SLMAP: variants seen among roughly 807,000 people sequenced by gnomAD.
The protein encoded by SLMAP is sarcolemma associated protein, also known as sarcolemmal membrane-associated protein.
SLMAP carries 44 observed loss-of-function variants against 128.8 expected under a neutral mutation model. The ratio of observed to expected loss-of-function variants is 0.34; its 90% CI spans 0.27 to 0.44. The LOEUF (loss-of-function observed/expected upper bound fraction) is 0.44. SLMAP is among the 20% of genes least tolerant of loss of function. The probability of loss-of-function intolerance (pLI) is 1.00; values close to 1 mark genes in which losing one functional copy is unlikely to be tolerated. For synonymous variants in SLMAP, 327 were observed against 348.8 expected (o/e 0.94, Z 0.70); for missense variants, 787 against 985.3 (o/e 0.80, Z 2.69).
chr3:57,790,075 G>A (rs976978317), intron 2 of SLMAP, among the ~76,000 whole-genome samples: 4 of 152,158 alleles, frequency 2.6e-5, no homozygotes, highest in Non-Finnish European at 4.4e-5. Flanking sequence ...GACCTTAGGT[G>A]ATCCACCTGC....
At chr3:57,917,199 T>C (rs986440579) in intron 22 of SLMAP, 122 bp downstream of exon 22, 71 of 1,544,434 alleles carry the variant, frequency 4.6e-5, no homozygotes, top group Non-Finnish European at 6.0e-5. Context: ...ACAAAATTGA[T>C]ACTTGGAACA....
chr3:57,909,503 G>GAA (rs558353210), intron 19 of SLMAP, among the ~76,000 whole-genome samples: 19,144 of 125,882 alleles, frequency 0.15, 1,377 homozygotes, highest in African/African-American at 0.18. Flanking sequence ...CTCCATCTCA[G>GAA]AAAAAAAAAA....
At chr3:57,780,995 T>G (rs928144013) in intron 2 of SLMAP, among the ~76,000 whole-genome samples, 2 of 148,302 alleles carry the variant, frequency 1.3e-5, no homozygotes, top group Middle Eastern at 3.5e-3. Context: ...TATATACCTA[T>G]GTATGCACAT....
At position 57,912,624 on chromosome 3, in the gene SLMAP, C is replaced by A. The variant is rs1220708244; in HGVS notation, c.1943C>A (p.Thr648Lys). Residue 648 changes from threonine to lysine, a missense_variant, in exon 20 of 25, where the codon ACA (threonine) becomes AAA (lysine). Coordinates refer to ENST00000671191, the MANE Select transcript of SLMAP (RefSeq NM_001377540.1). ...GCGTCTGAATATGAGAAAGAAATCA[C>A]AAGTCTGCAAAACAGTTTTCAGCTT... ...KAASEYEKEI[T>K]SLQNSFQLRC... 2.5e-6 allele frequency: 4 copies of A among 1,614,066 alleles called. No homozygotes were observed. The East Asian group carries it at 8.9e-5, about 36-fold the overall frequency.
intron 3 of SLMAP, among the ~76,000 whole-genome samples, chr3:57,833,863 T>A (rs1027482428): frequency 6.6e-6 from 1 of 152,144 alleles, no homozygotes; most frequent in Non-Finnish European, 1.5e-5. Flanking sequence ...AGTTGACTTA[T>A]GTTAAGCACG....
At chr3:57,831,208 G>T (rs1446479290) in intron 2 of SLMAP, among the ~76,000 whole-genome samples, 175 bp from the exon 3 acceptor site, 1 of 152,126 alleles carries the variant, frequency 6.6e-6, no homozygotes, top group Non-Finnish European at 1.5e-5. Context: ...CTAGTTTTCA[G>T]ATTCTAATTT....
At chr3:57,838,270 G>A (rs1414547698) in intron 3 of SLMAP, among the ~76,000 whole-genome samples, 13 of 152,144 alleles carry the variant, frequency 8.5e-5, no homozygotes, top group African/African-American at 2.4e-5. Context: ...GTCTTGAGGA[G>A]CCATCCTCTA....
intron 14 of SLMAP, among the ~76,000 whole-genome samples, chr3:57,875,689 T>C (rs887722370): frequency 1.3e-5 from 2 of 152,204 alleles, no homozygotes; most frequent in African/African-American, 2.4e-5. Context: ...AGTAAGAATT[T>C]GGTTATTGGT....
At chr3:57,879,491 A>G (rs1010560853) in intron 14 of SLMAP, among the ~76,000 whole-genome samples, 1 of 152,208 alleles carries the variant, frequency 6.6e-6, no homozygotes, top group Non-Finnish European at 1.5e-5. Context: ...CAGTAATTAA[A>G]TGGACAAATA....
At chr3:57,895,423 C>T (rs2096215706) in intron 15 of SLMAP, among the ~76,000 whole-genome samples, 1 of 152,070 alleles carries the variant, frequency 6.6e-6, no homozygotes, top group African/African-American at 2.4e-5. Context: ...GCAACCTCCA[C>T]CTCCCGAGTT....
chr3:57,831,644 G>A, intron 3 of SLMAP, 114 bp downstream of exon 3: 2 of 670,354 alleles, frequency 3.0e-6, no homozygotes, highest in East Asian at 3.3e-5. Context: ...TTTAAATACA[G>A]CATTATATAC....
intron 2 of SLMAP, among the ~76,000 whole-genome samples, chr3:57,768,362 A>G (rs779804438): frequency 5.3e-5 from 8 of 152,188 alleles, no homozygotes; most frequent in Non-Finnish European, 1.2e-4. Flanking sequence ...AGGATTTTCC[A>G]ATATAGACTT....
chr3:57,794,587 C>T (rs896486368), intron 2 of SLMAP, among the ~76,000 whole-genome samples: 3 of 152,142 alleles, frequency 2.0e-5, no homozygotes, highest in Non-Finnish European at 4.4e-5. Flanking sequence ...GCAGTCACCC[C>T]CCCATTTTCT....
intron 2 of SLMAP, 119 bp downstream of exon 2, chr3:57,757,968 C>A: frequency 1.3e-5 from 10 of 798,874 alleles, no homozygotes; most frequent in African/African-American, 1.7e-5. Flanking sequence ...AGGCTTTGCG[C>A]AAAGCCACGA....
chr3:57,796,421 G>A (rs1576619639), intron 2 of SLMAP, among the ~76,000 whole-genome samples: 3 of 152,286 alleles, frequency 2.0e-5, no homozygotes, highest in Admixed American at 6.5e-5. Context: ...GACTACCTGG[G>A]TGTGAATCGT....
At chr3:57,795,692 T>G (rs1288354832) in intron 2 of SLMAP, among the ~76,000 whole-genome samples, 1 of 152,212 alleles carries the variant, frequency 6.6e-6, no homozygotes, top group Non-Finnish European at 1.5e-5. Flanking sequence ...ACATAAAATG[T>G]ACCATTTGTA....
rs114366103 is a variant in SLMAP, at chr3:57,838,895, G to A, written c.347-2404G>A. On this transcript the variant is annotated intron_variant, in intron 3 of 24. Coordinates refer to ENST00000671191, the MANE Select transcript of SLMAP (RefSeq NM_001377540.1). ...GGAATGAAGGAGCCCAGTGGTTCAT[G>A]GCCATGGTTATTGTGCTGGGCAGAG... 4.7e-4 allele frequency among the ~76,000 whole-genome samples: 71 copies of A among 152,282 alleles called. 1 individual carries two copies. The highest frequency in any genetic ancestry group is 1.7e-3 in the African/African-American group (70 of 41,564).
At chr3:57,891,503 G>A (rs1011444343) in intron 15 of SLMAP, among the ~76,000 whole-genome samples, 13 of 151,656 alleles carry the variant, frequency 8.6e-5, no homozygotes, top group African/African-American at 3.1e-4. Context: ...TTTAAACCTG[G>A]CTATAAACTG....
rs192812069 is a variant in SLMAP, at chr3:57,884,796, C to G, written c.1301-5245C>G. ...TGCACTCCAGCCTGGGTGATAGAGC[C>G]AGACCTTGTCTCAAAAAAAAATAAA... On this transcript the variant is annotated intron_variant, in intron 14 of 24. Transcript: ENST00000671191. Among the ~76,000 whole-genome samples the G allele has an allele frequency of 5.7e-4, 87 of 151,860 alleles. No homozygotes were observed. The East Asian group carries it at 0.012, about 22-fold the overall frequency.
Sources: gnomAD v4.1 joint callset for allele counts (sites outside exome capture counted in the v4.1 genomes callset) on GRCh38, gnomAD v4.1.1 for gene constraint, MANE v1.5 for transcripts, NCBI Gene and HGNC (gene_info 2026-07-23, HGNC 2026-07-21) for gene names.